STMND1: variants seen among roughly 807,000 people sequenced by gnomAD.
STMND1 encodes stathmin domain-containing protein 1.
Under a neutral mutation model 23.0 loss-of-function variants are expected in STMND1, and 17 were observed. The ratio of observed to expected loss-of-function variants is 0.74; its 90% confidence interval spans 0.51 to 1.11. The LOEUF (loss-of-function observed/expected upper bound fraction) is 1.11, where lower values mean the gene tolerates loss of function less well. Among genes scored for constraint, STMND1 ranks in the 50% least tolerant of loss-of-function variants. The probability of loss-of-function intolerance (pLI) is 0.00; values close to 1 mark genes in which losing one functional copy is unlikely to be tolerated. For missense variants in STMND1, 305 were observed against 329.1 expected, an observed-to-expected ratio of 0.93 and a Z score of 0.57; for synonymous variants, 114 against 119.9, an observed-to-expected ratio of 0.95 and a Z score of 0.32.
Position 17,121,344 on chromosome 6 carries a change from C to T in STMND1, c.411+586C>T, listed in dbSNP as rs1208002459. Among the ~76,000 whole-genome samples the T allele has an allele frequency of 3.9e-5, 6 of 152,144 alleles. No homozygotes were observed. The East Asian group carries it at 7.7e-4, about 20-fold the overall frequency. On this transcript the variant is annotated intron_variant, in intron 3 of 4. Coordinates refer to ENST00000536551, the MANE Select transcript of STMND1 (RefSeq NM_001190766.2). The stretch of plus-strand genomic sequence containing the variant: ...AATGATTAATTGATCCAGTAAAACA[C>T]GTATTGGGTTTCACTAAATTTGAGA...
Position 17,102,314 on chromosome 6 carries a change from G to A in STMND1, c.57G>A (p.Lys19=), listed in dbSNP as rs547952854. ...ACCGGAGACGTGTACGCGCGCCCAA[G>A]AAGGGCTGGAAAGAGGAATTCAAGG... ...AEDRRRVRAP[K]KGWKEEFKAD... The change falls in exon 1 of 5, where the codon AAG becomes AAA. Residue 19 remains lysine, a synonymous_variant. Coordinates refer to ENST00000536551, the MANE Select transcript of STMND1 (RefSeq NM_001190766.2). 100 of 1,536,012 alleles carry A rather than the reference G, an allele frequency of 6.5e-5. No homozygotes were observed. In the African/African-American group the frequency reaches 1.3e-3, roughly 19 times the overall value.
chr6:17,111,122 A>G (rs1034023452), intron 1 of STMND1, among the ~76,000 whole-genome samples: 2 of 152,198 alleles, frequency 1.3e-5, no homozygotes, highest in South Asian at 2.1e-4. Flanking sequence ...TTGTTTTGCT[A>G]TGGAACTGTG....
chr6:17,128,270 T>A (rs549322569), intron 3 of STMND1: 15 of 152,328 alleles, frequency 9.8e-5, no homozygotes, highest in Admixed American at 3.3e-4. Flanking sequence ...GAAGTGGGAT[T>A]TTTCCCCCGC....
At chr6:17,103,431 A>G (rs1760969553) in intron 1 of STMND1, among the ~76,000 whole-genome samples, 1 of 152,104 alleles carries the variant, frequency 6.6e-6, no homozygotes, top group Non-Finnish European at 1.5e-5. Context: ...GCAAACCAGA[A>G]TCTAGTGAAG....
chr6:17,107,023 TC>T (rs1422553441), intron 1 of STMND1, among the ~76,000 whole-genome samples: 1 of 152,222 alleles, frequency 6.6e-6, no homozygotes, highest in Non-Finnish European at 1.5e-5. Context: ...CACAATTTTT[TC>T]CTAATACCTG....
chr6:17,111,930 C>T (rs190376863), intron 1 of STMND1, among the ~76,000 whole-genome samples: 12 of 152,190 alleles, frequency 7.9e-5, no homozygotes, highest in Admixed American at 5.2e-4. Context: ...TTTATAAACA[C>T]CTTAATCCCA....
At position 17,129,246 on chromosome 6, in the gene STMND1, A is replaced by C; in HGVS notation, c.543+3A>C. The C allele has an allele frequency of 6.5e-7, 1 of 1,535,868 alleles. No homozygotes were observed. The highest frequency in any genetic ancestry group is 8.7e-7 in the Non-Finnish European group (1 of 1,146,760). On this transcript the variant is annotated splice_donor_region_variant and intron_variant, in intron 4 of 4. Transcript: ENST00000536551. Reference sequence around the variant, plus strand: ...AGGCTGCCGAGGAGCGCAGGAAGGTAGTGAGCTCTCAGATGCTCTAGGCTT... The same window carrying C: ...AGGCTGCCGAGGAGCGCAGGAAGGTCGTGAGCTCTCAGATGCTCTAGGCTT...
chr6:17,111,826 A>G (rs1761100122), intron 1 of STMND1, among the ~76,000 whole-genome samples: 1 of 152,220 alleles, frequency 6.6e-6, no homozygotes, highest in Non-Finnish European at 1.5e-5. Context: ...GATCAAGGCA[A>G]TGGAAGGTTT....
Position 17,120,733 on chromosome 6 carries a change from G to T in STMND1, c.386G>T (p.Arg129Ile), listed in dbSNP as rs1228122200. 6.5e-7 allele frequency: 1 copy of T among 1,530,694 alleles called. No homozygotes were observed. The highest frequency in any genetic ancestry group is 1.2e-5 in the South Asian group (1 of 83,084). The allele number at this position is 1,530,694 out of a possible 1,614,324, so 94.8% of individuals were successfully genotyped here. Residue 129 changes from arginine (R) to isoleucine (I), a missense_variant, in exon 3 of 5, where the codon AGA becomes ATA. Physicochemically the swap from Arg to Ile is moderately conservative, Grantham distance 97 (BLOSUM62 -3). Transcript: ENST00000536551. Reference sequence around the variant, plus strand: ...ATACAAAGCCACAGCAAAGTATTTAGAAATGGAGAATCATATGATGTCACG... The same window carrying T: ...ATACAAAGCCACAGCAAAGTATTTATAAATGGAGAATCATATGATGTCACG... ...GIIQSHSKVF[R>I]NGESYDVTLT...
At chr6:17,108,279 A>C (rs1761052528) in intron 1 of STMND1, among the ~76,000 whole-genome samples, 1 of 152,204 alleles carries the variant, frequency 6.6e-6, no homozygotes, top group Non-Finnish European at 1.5e-5. Context: ...GCCAAGTTGT[A>C]ATGTACAGAA....
chr6:17,130,269 A>G (rs1761370073), intron 4 of STMND1, among the ~76,000 whole-genome samples: 1 of 152,172 alleles, frequency 6.6e-6, no homozygotes, highest in Non-Finnish European at 1.5e-5. Flanking sequence ...GCAGAGCATC[A>G]GGCTGCATTA....
chr6:17,115,500 G>A (rs922928859), intron 2 of STMND1, among the ~76,000 whole-genome samples: 3 of 151,448 alleles, frequency 2.0e-5, no homozygotes, highest in Non-Finnish European at 4.4e-5. Context: ...CCAAGGATAA[G>A]TTCTACATTT....
At chr6:17,120,913 C>G (rs1437968138) in intron 3 of STMND1, among the ~76,000 whole-genome samples, 155 bp downstream of exon 3, 1 of 152,220 alleles carries the variant, frequency 6.6e-6, no homozygotes, top group Non-Finnish European at 1.5e-5. Context: ...CCCCACATCT[C>G]TGCACACCAT....
At chr6:17,129,672 G>A (rs1358497742) in intron 4 of STMND1, among the ~76,000 whole-genome samples, 1 of 145,346 alleles carries the variant, frequency 6.9e-6, no homozygotes, top group African/African-American at 2.5e-5. Flanking sequence ...GTGAAACCCC[G>A]TCTCTACTAA....
intron 1 of STMND1, among the ~76,000 whole-genome samples, chr6:17,113,990 G>A (rs1276291773): frequency 1.3e-5 from 2 of 152,094 alleles, no homozygotes; most frequent in Non-Finnish European, 2.9e-5. Flanking sequence ...GCTTCAAACA[G>A]CAGTCACCAA....
At chr6:17,130,547 G>C (rs1226361151) in intron 4 of STMND1, 47 bp from the exon 5 acceptor site, 2 of 1,387,084 alleles carry the variant, frequency 1.4e-6, no homozygotes, top group Non-Finnish European at 1.9e-6. Flanking sequence ...TCACAACTTG[G>C]AGAAAGTTAT....
At chr6:17,114,253 G>C (rs1351766785) in intron 1 of STMND1, among the ~76,000 whole-genome samples, 1 of 151,078 alleles carries the variant, frequency 6.6e-6, no homozygotes, top group East Asian at 1.9e-4. Flanking sequence ...AGATTATCAG[G>C]CATTAGATTC....
chr6:17,111,252 C>T (rs1041414274), intron 1 of STMND1, among the ~76,000 whole-genome samples: 3 of 152,114 alleles, frequency 2.0e-5, no homozygotes, highest in African/African-American at 4.8e-5. Context: ...AAGAAACAGA[C>T]TCCCTTGAAA....
At chr6:17,105,999 C>A (rs1301225178) in intron 1 of STMND1, among the ~76,000 whole-genome samples, 1 of 150,956 alleles carries the variant, frequency 6.6e-6, no homozygotes, top group Admixed American at 6.5e-5. Flanking sequence ...CTGACCTCTG[C>A]TAACTCCTCC....
Sources: allele counts gnomAD v4.1 joint callset (sites outside exome capture counted in the v4.1 genomes callset), GRCh38; gene constraint gnomAD v4.1.1; transcripts MANE v1.5; gene names NCBI Gene and HGNC (gene_info 2026-07-23, HGNC 2026-07-21).